SORBS2: variants seen among roughly 807,000 people sequenced by gnomAD.
SORBS2 encodes sorbin and SH3 domain-containing protein 2.
SORBS2 carries 46 observed loss-of-function variants against 97.7 expected under a neutral mutation model. The ratio of observed to expected loss-of-function variants is 0.47; its 90% CI spans 0.37 to 0.60. The LOEUF is 0.60. Among genes scored for constraint, SORBS2 ranks in the 20% least tolerant of loss-of-function variants. SORBS2 has a pLI of 0.00. For synonymous variants in SORBS2, 476 were observed against 473.4 expected (o/e 1.01, Z -0.07); for missense variants, 1,316 against 1,282.3 (o/e 1.03, Z -0.40).
At chr4:185,930,638 GCTCT>G (rs909694309) in intron 1 of SORBS2, among the ~76,000 whole-genome samples, 29 of 152,192 alleles carry the variant, frequency 1.9e-4, no homozygotes, top group African/African-American at 6.5e-4. Flanking sequence ...AATCCTTTCA[GCTCT>G]CTCTGTTTTG....
chr4:185,700,292 A>T (rs11931896), intron 2 of SORBS2, among the ~76,000 whole-genome samples: 48,321 of 143,518 alleles, frequency 0.34, 8,504 homozygotes, highest in African/African-American at 0.48. Context: ...TGTCCACATG[A>T]GTCTGTGCGT....
intron 2 of SORBS2, among the ~76,000 whole-genome samples, chr4:185,688,489 T>TATTG (rs1561923331): frequency 2.9e-5 from 4 of 139,514 alleles, no homozygotes; most frequent in Middle Eastern, 7.5e-3. Flanking sequence ...TCTATCTGTC[T>TATTG]ATTGATAGAT....
At chr4:185,830,426 T>A (rs2099204510) in intron 1 of SORBS2, among the ~76,000 whole-genome samples, 1 of 152,198 alleles carries the variant, frequency 6.6e-6, no homozygotes, top group Non-Finnish European at 1.5e-5. Flanking sequence ...CACTATCTGA[T>A]TTTGAGTCTG....
intron 4 of SORBS2, 147 bp from the exon 14 acceptor site, chr4:185,639,182 C>T (rs1277535698): frequency 7.4e-6 from 5 of 675,596 alleles, no homozygotes; most frequent in South Asian, 2.4e-5. Context: ...GACCCAGACG[C>T]CTCGGGAGCG....
At chr4:185,862,485 A>C (rs1026766824) in intron 1 of SORBS2, among the ~76,000 whole-genome samples, 1 of 152,240 alleles carries the variant, frequency 6.6e-6, no homozygotes, top group African/African-American at 2.4e-5. Flanking sequence ...CCATGATGGC[A>C]TGGCTGCCAA....
Position 185,647,429 on chromosome 4 carries a change from T to C in SORBS2, c.282-647A>G, listed in dbSNP as rs979150212. ...GAAGGCTTCTTTTTTTTTTTTTTTT[T>C]CGAGACAGAGTCTTCCTCTGTTGCC... On this transcript the variant is annotated intron_variant, in intron 3 of 14. Transcript: ENST00000418609. 8.0e-5 allele frequency among the ~76,000 whole-genome samples: 12 copies of C among 150,896 alleles called. No individual in the cohort carries two copies. In the East Asian group the frequency reaches 9.7e-4, roughly 12 times the overall value.
chr4:185,878,556 G>T (rs180781323), intron 1 of SORBS2, among the ~76,000 whole-genome samples: 77 of 152,158 alleles, frequency 5.1e-4, no homozygotes, highest in Non-Finnish European at 1.0e-3. Context: ...GGACTTTGCC[G>T]CTAAGGACCT....
chr4:185,781,040 C>T (rs1468124319), intron 1 of SORBS2, among the ~76,000 whole-genome samples: 4 of 152,100 alleles, frequency 2.6e-5, no homozygotes, highest in Non-Finnish European at 5.9e-5. Flanking sequence ...TGGGTTCAAG[C>T]GATTCTCCTG....
chr4:185,878,855 C>T (rs2099235132), intron 1 of SORBS2, among the ~76,000 whole-genome samples: 2 of 152,168 alleles, frequency 1.3e-5, no homozygotes, highest in South Asian at 4.1e-4. Flanking sequence ...CGTCCCCGTC[C>T]ACCCTCCCCA....
At chr4:185,895,184 T>C (rs2099244426) in intron 1 of SORBS2, among the ~76,000 whole-genome samples, 1 of 152,240 alleles carries the variant, frequency 6.6e-6, no homozygotes, top group Admixed American at 6.5e-5. Context: ...ACCTCTCTTA[T>C]GAGTGACAGG....
intron 1 of SORBS2, among the ~76,000 whole-genome samples, chr4:185,783,988 A>G (rs1269805539): frequency 6.6e-6 from 1 of 152,208 alleles, no homozygotes; most frequent in African/African-American, 2.4e-5. Flanking sequence ...TCCTCACTAC[A>G]GAATCCTGAC....
intron 2 of SORBS2, among the ~76,000 whole-genome samples, chr4:185,712,732 C>T (rs1036657589): frequency 7.2e-5 from 11 of 152,178 alleles, no homozygotes; most frequent in Admixed American, 2.0e-4. Flanking sequence ...CGGGTTCCAG[C>T]GCTCATGCAC....
intron 2 of SORBS2, among the ~76,000 whole-genome samples, chr4:185,724,215 T>G (rs879021600): frequency 9.2e-5 from 14 of 152,158 alleles, no homozygotes; most frequent in Admixed American, 9.2e-4. Flanking sequence ...GGCTTTTTTT[T>G]GATGATGTTT....
chr4:185,656,712 TG>T, exon 1 of SORBS2: 3 of 1,547,848 alleles, frequency 1.9e-6, no homozygotes, highest in Non-Finnish European at 8.7e-7. Flanking sequence ...AGCTGCTGCC[TG>T]CCCAGGCTCT....
At chr4:185,627,740 T>G (rs2096839800) in intron 5 of SORBS2, among the ~76,000 whole-genome samples, 1 of 152,172 alleles carries the variant, frequency 6.6e-6, no homozygotes, top group Non-Finnish European at 1.5e-5. Flanking sequence ...TTTAGGGGTT[T>G]TGAGAAATGT....
chr4:185,722,030 G>A (rs1160531337), intron 2 of SORBS2, among the ~76,000 whole-genome samples: 4 of 152,166 alleles, frequency 2.6e-5, no homozygotes, highest in Non-Finnish European at 5.9e-5. Flanking sequence ...TAAGCTCCAA[G>A]TCACTATATA....
At chr4:185,789,534 ATATT>A (rs1190985874) in intron 1 of SORBS2, among the ~76,000 whole-genome samples, 4 of 150,768 alleles carry the variant, frequency 2.7e-5, no homozygotes, top group East Asian at 1.9e-4. Context: ...AATATGGAAT[ATATT>A]TATATATAAT....
intron 1 of SORBS2, chr4:185,811,904 C>T (rs1172668845): frequency 6.6e-6 from 1 of 152,290 alleles, no homozygotes; most frequent in Admixed American, 6.5e-5. Flanking sequence ...GTTTGGATCC[C>T]TCGTTTTCAG....
At chr4:185,691,966 TA>T (rs1372821205) in intron 2 of SORBS2, among the ~76,000 whole-genome samples, 7 of 152,336 alleles carry the variant, frequency 4.6e-5, no homozygotes, top group Admixed American at 1.3e-4. Context: ...CCAGGATGGC[TA>T]CGATCTCCTG....
Sources: allele counts gnomAD v4.1 joint callset (sites outside exome capture counted in the v4.1 genomes callset), GRCh38; gene constraint gnomAD v4.1.1; transcripts MANE v1.5; gene names NCBI Gene and HGNC (gene_info 2026-07-23, HGNC 2026-07-21).